Variants in ZNF385B observed in about 807,000 individuals in gnomAD.
The protein encoded by ZNF385B is zinc finger protein 385B.
In ZNF385B, 23 loss-of-function variants were observed where a neutral mutation model predicts 39.2. The ratio of observed to expected loss-of-function variants is 0.59; its 90% CI spans 0.42 to 0.83. ZNF385B has a LOEUF of 0.83. ZNF385B is among the 40% of genes least tolerant of loss of function. The probability of loss-of-function intolerance (pLI) is 0.00; values close to 1 mark genes in which losing one functional copy is unlikely to be tolerated. For synonymous variants in ZNF385B, 205 were observed against 222.6 expected (o/e 0.92, Z 0.70); for missense variants, 552 against 598.9 (o/e 0.92, Z 0.82).
At chr2:179,557,266 A>G (rs1173328520) in intron 3 of ZNF385B, among the ~76,000 whole-genome samples, 1 of 149,312 alleles carries the variant, frequency 6.7e-6, no homozygotes, top group Non-Finnish European at 1.5e-5. Flanking sequence ...AAAATTCAAG[A>G]TTAGCATTTG....
intron 1 of ZNF385B, among the ~76,000 whole-genome samples, chr2:179,837,357 C>A (rs1708309609): frequency 6.6e-6 from 1 of 152,100 alleles, no homozygotes; most frequent in Admixed American, 6.5e-5. Context: ...ATTACAAGGT[C>A]AAAAGAAATA....
chr2:179,447,318 A>G (rs1036984176), intron 6 of ZNF385B, among the ~76,000 whole-genome samples: 3 of 152,152 alleles, frequency 2.0e-5, no homozygotes, highest in Non-Finnish European at 4.4e-5. Flanking sequence ...TGGCAATGCA[A>G]TTTATCCAAA....
intron 3 of ZNF385B, among the ~76,000 whole-genome samples, chr2:179,561,364 T>C (rs1050223243): frequency 1.3e-5 from 2 of 152,194 alleles, no homozygotes; most frequent in African/African-American, 4.8e-5. Context: ...CACACATCAG[T>C]GTCTCAAGGA....
chr2:179,639,500 T>C (rs1261702608), intron 3 of ZNF385B, among the ~76,000 whole-genome samples: 1 of 152,132 alleles, frequency 6.6e-6, no homozygotes, highest in African/African-American at 2.4e-5. Context: ...GATATCAAAA[T>C]ATAATATTGT....
intron 3 of ZNF385B, among the ~76,000 whole-genome samples, chr2:179,582,422 A>G (rs576042969): frequency 9.2e-5 from 14 of 152,316 alleles, no homozygotes; most frequent in African/African-American, 3.4e-4. Context: ...GGACTATGAA[A>G]TGGAGAGCTG....
At chr2:179,600,820 A>C (rs7584878) in intron 3 of ZNF385B, among the ~76,000 whole-genome samples, 17,279 of 152,210 alleles carry the variant, frequency 0.11, 1,091 homozygotes, top group Non-Finnish European at 0.15. Flanking sequence ...CCTCCATTAC[A>C]GAGTGCCTAA....
intron 6 of ZNF385B, among the ~76,000 whole-genome samples, chr2:179,482,237 C>A (rs956098658): frequency 1.3e-5 from 2 of 152,170 alleles, no homozygotes; most frequent in Non-Finnish European, 2.9e-5. Context: ...CCAAAAGCCA[C>A]GGGAAAGCAG....
At chr2:179,463,038 C>T (rs902285926) in intron 6 of ZNF385B, among the ~76,000 whole-genome samples, 2 of 151,860 alleles carry the variant, frequency 1.3e-5, no homozygotes, top group East Asian at 1.9e-4. Flanking sequence ...GTTATATATA[C>T]CTCAGAAGAG....
In ZNF385B at chr2:179,547,905, A is replaced by G. The variant is rs139910385; in HGVS notation, c.299-2936T>C. Among the ~76,000 whole-genome samples, 485 of 149,316 alleles carry G rather than the reference A, an allele frequency of 3.2e-3. 47 individuals are homozygous for G. Among genetic ancestry groups the G allele is most frequent in the African/African-American group, 0.011 (449 of 39,668 alleles). ...GTGTCCTCTTCAATTTCTTTCATCAATGTTTCATAGTTTTCATTGTAGAGA... is the reference window on the plus strand; with the variant it reads ...GTGTCCTCTTCAATTTCTTTCATCAGTGTTTCATAGTTTTCATTGTAGAGA... On this transcript the variant is annotated intron_variant, in intron 3 of 9. Transcript: ENST00000410066.
chr2:179,592,236 A>G (rs1048363765), intron 3 of ZNF385B, among the ~76,000 whole-genome samples: 1 of 151,824 alleles, frequency 6.6e-6, no homozygotes, highest in Non-Finnish European at 1.5e-5. Context: ...AGCTCTCTAC[A>G]CCCTCTTCCT....
At chr2:179,722,406 A>G (rs1700751265) in intron 3 of ZNF385B, among the ~76,000 whole-genome samples, 1 of 152,150 alleles carries the variant, frequency 6.6e-6, no homozygotes, top group African/African-American at 2.4e-5. Flanking sequence ...AAACAATTCA[A>G]TGGAATGGAA....
chr2:179,833,600 C>T (rs762102895), intron 1 of ZNF385B, among the ~76,000 whole-genome samples: 4 of 152,050 alleles, frequency 2.6e-5, no homozygotes, highest in Non-Finnish European at 4.4e-5. Context: ...TACACAGTTG[C>T]CTTATTACAT....
At chr2:179,581,745 C>T (rs1430066135) in intron 3 of ZNF385B, among the ~76,000 whole-genome samples, 1 of 152,166 alleles carries the variant, frequency 6.6e-6, no homozygotes, top group Non-Finnish European at 1.5e-5. Flanking sequence ...GACCACATGA[C>T]TGGGTTCTGG....
Position 179,658,820 on chromosome 2 carries a change from C to G in ZNF385B, c.298+110683G>C, listed in dbSNP as rs140459460. 9.1e-4 allele frequency among the ~76,000 whole-genome samples: 139 copies of G among 152,264 alleles called. 2 individuals are homozygous for G. The East Asian group carries it at 0.025, about 27-fold the overall frequency. ...TTGAGATGGGGTTTCACTCGTTTCCCAGGCTGGAGTGCAGTGGCGCAATCT... is the reference window on the plus strand; with the variant it reads ...TTGAGATGGGGTTTCACTCGTTTCCGAGGCTGGAGTGCAGTGGCGCAATCT... On this transcript the variant is annotated intron_variant, in intron 3 of 9. Coordinates refer to ENST00000410066, the MANE Select transcript of ZNF385B (RefSeq NM_152520.6).
At chr2:179,715,592 G>T (rs1051680654) in intron 3 of ZNF385B, among the ~76,000 whole-genome samples, 1 of 152,124 alleles carries the variant, frequency 6.6e-6, no homozygotes, top group Non-Finnish European at 1.5e-5. Context: ...CTACTGCAGT[G>T]AACATGTAAT....
At chr2:179,843,944 G>A (rs12465175) in intron 1 of ZNF385B, among the ~76,000 whole-genome samples, 6,960 of 152,304 alleles carry the variant, frequency 0.046, 378 homozygotes, top group Admixed American at 0.16. Flanking sequence ...CCAGCCTTGG[G>A]AGACAGCAAC....
intron 1 of ZNF385B, among the ~76,000 whole-genome samples, chr2:179,821,310 A>T (rs1707381166): frequency 6.6e-6 from 1 of 152,164 alleles, no homozygotes; most frequent in Non-Finnish European, 1.5e-5. Flanking sequence ...CTTTAAAGCC[A>T]TTTAATATCA....
At chr2:179,733,283 G>A (rs1367984327) in intron 3 of ZNF385B, among the ~76,000 whole-genome samples, 1 of 152,074 alleles carries the variant, frequency 6.6e-6, no homozygotes, top group East Asian at 1.9e-4. Context: ...TTACCTGGTG[G>A]GATGACTTCT....
chr2:179,598,557 T>C lies in ZNF385B; in HGVS notation c.299-53588A>G, dbSNP rs564033193. Among the ~76,000 whole-genome samples the C allele has an allele frequency of 4.6e-5, 7 of 152,260 alleles. No homozygotes were observed. The South Asian group carries it at 1.2e-3, about 27-fold the overall frequency. The stretch of plus-strand genomic sequence containing the variant: ...TATGTCAAATATGAAGTCCATTTAT[T>C]ATATATATAAAACCTGTAATATTCT... On this transcript the variant is annotated intron_variant, in intron 3 of 9. Transcript: ENST00000410066.
Sources: gnomAD v4.1 joint callset for allele counts (sites outside exome capture counted in the v4.1 genomes callset) on GRCh38, gnomAD v4.1.1 for gene constraint, MANE v1.5 for transcripts, NCBI Gene and HGNC (gene_info 2026-07-23, HGNC 2026-07-21) for gene names.